NT5C3A: variants seen among roughly 807,000 people sequenced by gnomAD.
The protein encoded by NT5C3A is 5'-nucleotidase, cytosolic IIIA.
NT5C3A carries 23 observed loss-of-function variants against 40.0 expected under a neutral mutation model. The ratio of observed to expected loss-of-function variants is 0.58; its 90% CI spans 0.41 to 0.81. NT5C3A has a LOEUF of 0.81. NT5C3A is among the 40% of genes least tolerant of loss of function. The probability of loss-of-function intolerance (pLI) is 0.00; values close to 1 mark genes in which losing one functional copy is unlikely to be tolerated. For synonymous variants in NT5C3A, 130 were observed against 141.4 expected (o/e 0.92, Z 0.57); for missense variants, 328 against 403.0 (o/e 0.81, Z 1.59).
intron 1 of NT5C3A, chr7:33,046,182 CAT>C (rs2128013150): frequency 6.6e-6 from 1 of 152,262 alleles, no homozygotes; most frequent in African/African-American, 2.4e-5. Context: ...AATTTACAGA[CAT>C]ATGTATATGC....
intron 1 of NT5C3A, among the ~76,000 whole-genome samples, chr7:33,055,215 C>T (rs893353984): frequency 6.6e-6 from 1 of 151,910 alleles, no homozygotes; most frequent in Non-Finnish European, 1.5e-5. Context: ...GTCCCAGCTA[C>T]TCGGGAGACT....
At chr7:33,047,553 G>A (rs756259000) in intron 1 of NT5C3A, among the ~76,000 whole-genome samples, 46 of 151,934 alleles carry the variant, frequency 3.0e-4, no homozygotes, top group Admixed American at 3.3e-4. Context: ...TGATATAATA[G>A]CATAAATACA....
intron 2 of NT5C3A, among the ~76,000 whole-genome samples, chr7:33,025,083 G>C (rs1583910471): frequency 6.6e-6 from 1 of 152,112 alleles, no homozygotes; most frequent in Non-Finnish European, 1.5e-5. Context: ...AGGTTGCAGT[G>C]AGCTAAGATC....
At chr7:33,018,722 C>A (rs55935181) in intron 6 of NT5C3A, among the ~76,000 whole-genome samples, 1 of 151,666 alleles carries the variant, frequency 6.6e-6, no homozygotes, top group Non-Finnish European at 1.5e-5. Flanking sequence ...TGGTGGCGGG[C>A]GCCTGAAGTC....
chr7:33,023,759 A>G, intron 3 of NT5C3A: 1 of 370,494 alleles, frequency 2.7e-6, no homozygotes, highest in Non-Finnish European at 5.0e-6. Flanking sequence ...CAAAGTTTAC[A>G]ACCTATTTAA....
intron 1 of NT5C3A, among the ~76,000 whole-genome samples, chr7:33,040,422 G>A (rs553192223): frequency 1.3e-5 from 2 of 152,092 alleles, no homozygotes; most frequent in Non-Finnish European, 1.5e-5. Flanking sequence ...CCTGGGTAAA[G>A]CTCACATGCA....
chr7:33,016,311 T>A (rs557682217), intron 7 of NT5C3A, among the ~76,000 whole-genome samples: 1 of 139,314 alleles, frequency 7.2e-6, no homozygotes, highest in Non-Finnish European at 1.5e-5. Flanking sequence ...GAGGTGGAGG[T>A]TGCAGTGAGC....
intron 1 of NT5C3A, among the ~76,000 whole-genome samples, chr7:33,049,731 A>G (rs1012339298): frequency 6.6e-6 from 1 of 152,078 alleles, no homozygotes; most frequent in African/African-American, 2.4e-5. Flanking sequence ...GCACTTTGGG[A>G]GACCGAGACA....
intron 1 of NT5C3A, among the ~76,000 whole-genome samples, chr7:33,031,593 AAAAT>A (rs1334315486): frequency 6.6e-6 from 1 of 151,862 alleles, no homozygotes; most frequent in Non-Finnish European, 1.5e-5. Flanking sequence ...TCTCAAAAAA[AAAAT>A]AAATAAATAA....
chr7:33,026,768 A>T, intron 2 of NT5C3A, 49 bp downstream of exon 2: 1 of 1,279,592 alleles, frequency 7.8e-7, no homozygotes, highest in Non-Finnish European at 1.1e-6. Flanking sequence ...TGCTGGAATT[A>T]CAGGCATGAG....
At chr7:33,021,135 T>G in intron 5 of NT5C3A, 137 bp downstream of exon 5, 1 of 1,120,334 alleles carries the variant, frequency 8.9e-7, no homozygotes, top group Non-Finnish European at 1.2e-6. Flanking sequence ...GAGCTCATTT[T>G]GTTATTCAAT....
intron 1 of NT5C3A, among the ~76,000 whole-genome samples, chr7:33,039,611 A>G (rs1786816150): frequency 7.1e-6 from 1 of 140,318 alleles, no homozygotes; most frequent in African/African-American, 2.7e-5. Flanking sequence ...AGCACATGCA[A>G]AATCAAACTG....
At chr7:33,018,144 C>T (rs1347409236) in intron 6 of NT5C3A, among the ~76,000 whole-genome samples, 1 of 152,162 alleles carries the variant, frequency 6.6e-6, no homozygotes, top group Non-Finnish European at 1.5e-5. Context: ...CTTGGCCTAA[C>T]TTAATGGATA....
chr7:33,015,448 A>G (rs763721905), intron 8 of NT5C3A, among the ~76,000 whole-genome samples: 1 of 152,112 alleles, frequency 6.6e-6, no homozygotes, highest in Non-Finnish European at 1.5e-5. Flanking sequence ...CTGTAGTTCC[A>G]GCTACCTGAG....
In NT5C3A at chr7:33,055,617, G is replaced by A. The variant is rs145664604; in HGVS notation, c.138+6951C>T. Among the ~76,000 whole-genome samples, 579 of 152,306 alleles carry A rather than the reference G, an allele frequency of 3.8e-3. 7 individuals carry two copies. Among genetic ancestry groups the A allele is most frequent in the Non-Finnish European group, 2.9e-3 (195 of 68,032 alleles). ...CCTGAAACATGGACGCATTGGCCATGACTGGAACGACCATCTCACGACCAT... is the reference window on the plus strand; with the variant it reads ...CCTGAAACATGGACGCATTGGCCATAACTGGAACGACCATCTCACGACCAT... On this transcript the variant is annotated intron_variant, in intron 1 of 8. Transcript: ENST00000610140.
chr7:33,036,277 G>A (rs964935545), intron 1 of NT5C3A: 1 of 409,364 alleles, frequency 2.4e-6, no homozygotes, highest in Non-Finnish European at 4.6e-6. Context: ...CACATATTGA[G>A]GCCGTGTTTC....
chr7:33,041,081 T>A (rs1330366935), intron 1 of NT5C3A: 1 of 984,920 alleles, frequency 1.0e-6, no homozygotes, highest in East Asian at 1.1e-4. Flanking sequence ...TCAATCTACA[T>A]AACATTATCA....
chr7:33,043,312 T>C (rs142138300), intron 1 of NT5C3A, among the ~76,000 whole-genome samples: 42 of 152,312 alleles, frequency 2.8e-4, no homozygotes, highest in African/African-American at 8.7e-4. Context: ...AAGTTTAAAA[T>C]AGAATACATA....
intron 1 of NT5C3A, among the ~76,000 whole-genome samples, chr7:33,029,051 G>T (rs1418675263): frequency 1.3e-5 from 2 of 151,594 alleles, no homozygotes; most frequent in Non-Finnish European, 2.9e-5. Flanking sequence ...TTTTCTCCAT[G>T]GATGAAAGAT....
Sources: allele counts gnomAD v4.1 joint callset (sites outside exome capture counted in the v4.1 genomes callset), GRCh38; gene constraint gnomAD v4.1.1; transcripts MANE v1.5; gene names NCBI Gene and HGNC (gene_info 2026-07-23, HGNC 2026-07-21).